CREB3L1: variants seen among roughly 807,000 people sequenced by gnomAD.
CREB3L1 encodes cyclic AMP-responsive element-binding protein 3-like protein 1.
Under a neutral mutation model 54.5 loss-of-function variants are expected in CREB3L1, and 33 were observed. The ratio of observed to expected loss-of-function variants is 0.61; its 90% CI spans 0.46 to 0.81. The LOEUF (loss-of-function observed/expected upper bound fraction) is 0.81, where lower values mean the gene tolerates loss of function less well. CREB3L1 is among the 30% of genes least tolerant of loss of function. The pLI, the probability that CREB3L1 is intolerant of heterozygous loss-of-function variation, is 0.00. For synonymous variants in CREB3L1, 284 were observed against 286.4 expected (o/e 0.99, Z 0.08); for missense variants, 656 against 673.3 (o/e 0.97, Z 0.29).
chr11:46,288,597 A>C (rs1939090304), intron 1 of CREB3L1, among the ~76,000 whole-genome samples: 1 of 152,132 alleles, frequency 6.6e-6, no homozygotes, highest in Non-Finnish European at 1.5e-5. Context: ...CCTTTGGGTA[A>C]AGCCAAAAAG....
chr11:46,317,272 C>A, intron 9 of CREB3L1, 89 bp from the exon 10 acceptor site: 1 of 1,538,402 alleles, frequency 6.5e-7, no homozygotes, highest in Non-Finnish European at 8.9e-7. Context: ...GACTTTTGTG[C>A]CTGTTGGTTT....
intron 8 of CREB3L1, among the ~76,000 whole-genome samples, chr11:46,313,677 C>CA (rs941838320): frequency 4.8e-4 from 70 of 145,722 alleles, no homozygotes; most frequent in East Asian, 3.4e-3. Flanking sequence ...GACTCTGTCT[C>CA]AAAAAAAAAA....
intron 8 of CREB3L1, among the ~76,000 whole-genome samples, chr11:46,314,309 C>T (rs560869120): frequency 2.0e-5 from 3 of 151,684 alleles, no homozygotes; most frequent in Non-Finnish European, 2.9e-5. Flanking sequence ...TAAGATCCTG[C>T]GAATAAAGGA....
rs1378914897 is a variant in CREB3L1 at position 46,312,373 on chromosome 11, C to T, written c.802C>T (p.Arg268Trp). The change falls in exon 6 of 12, where the codon CGG becomes TGG. Residue 268 changes from arginine to tryptophan, a missense_variant. By Grantham distance (101) the Arg-to-Trp change is moderately radical. Transcript: ENST00000621158. ...ACTGCTCCTGACAGAGGAGGAGAAGCGGACCCTGATTGCTGAGGGCTACCC... is the reference window on the plus strand; with the variant it reads ...ACTGCTCCTGACAGAGGAGGAGAAGTGGACCCTGATTGCTGAGGGCTACCC... ...GPLLLTEEEK[R>W]TLIAEGYPIP... is the part of the protein sequence containing the mutation. 7.4e-6 allele frequency: 12 copies of T among 1,612,836 alleles called. No homozygotes were observed. Among genetic ancestry groups the T allele is most frequent in the South Asian group, 1.1e-5 (1 of 90,924 alleles).
In CREB3L1 at chr11:46,278,756, G is replaced by A. The variant is rs1938920210; in HGVS notation, c.102+543G>A. On this transcript the variant is annotated intron_variant, in intron 1 of 11. Coordinates refer to ENST00000621158, the MANE Select transcript of CREB3L1 (RefSeq NM_052854.4). This position sits in a 1 kb window ranked among gnomAD's most constrained non-coding sequence, Gnocchi z 4.2. Reference sequence around the variant, plus strand: ...CCCCCACCCCAGGGAGGGACCTGAGGCTGGGGGCTGGGAAGAGGCGGTCAG... The same window carrying A: ...CCCCCACCCCAGGGAGGGACCTGAGACTGGGGGCTGGGAAGAGGCGGTCAG... 6.6e-6 allele frequency among the ~76,000 whole-genome samples: 1 copy of A among 152,194 alleles called. No homozygotes were observed. The highest frequency in any genetic ancestry group is 2.1e-4 in the South Asian group (1 of 4,832).
intron 2 of CREB3L1, 65 bp from the exon 3 acceptor site, chr11:46,307,739 TAGGGTAGCTCCC>T: frequency 7.7e-7 from 1 of 1,303,930 alleles, no homozygotes; most frequent in Non-Finnish European, 1.0e-6. Flanking sequence ...CAGTTCAGCC[TAGGGTAGCTCCC>T]AGGGGGCAGG....
chr11:46,317,804 C>T (rs1006600529), intron 10 of CREB3L1, among the ~76,000 whole-genome samples: 1 of 152,174 alleles, frequency 6.6e-6, no homozygotes, highest in African/African-American at 2.4e-5. Flanking sequence ...CATTATGGTG[C>T]CAGTGCTTAT....
At chr11:46,294,672 G>GC (rs1350892216) in intron 1 of CREB3L1, among the ~76,000 whole-genome samples, 1 of 151,914 alleles carries the variant, frequency 6.6e-6, no homozygotes, top group Non-Finnish European at 1.5e-5. Context: ...AGGACAGGGG[G>GC]GTCTGCTGAC....
chr11:46,312,409 A>G lies in CREB3L1; in HGVS notation c.838A>G (p.Lys280Glu). Reference sequence around the variant, plus strand: ...TGCTGAGGGCTACCCCATCCCCACAAAACTCCCCCTCACCAAAGCCGAGGA... The same window carrying G: ...TGCTGAGGGCTACCCCATCCCCACAGAACTCCCCCTCACCAAAGCCGAGGA... The part of the protein sequence containing the change: ...LIAEGYPIPT[K>E]LPLTKAEEKA... Residue 280 changes from lysine to glutamate, a missense_variant, in exon 6 of 12, where the codon AAA becomes GAA. By Grantham distance (56) the Lys-to-Glu change is moderately conservative (BLOSUM62 1). Around this residue, in one of 3 missense-constraint regions of CREB3L1, gnomAD observed 77 missense variants for 122.0 expected, o/e 0.63. Transcript: ENST00000621158. 6.2e-7 allele frequency: 1 copy of G among 1,613,790 alleles called. No homozygotes were observed. Among genetic ancestry groups the G allele is most frequent in the Non-Finnish European group, 8.5e-7 (1 of 1,179,822 alleles).
intron 1 of CREB3L1, among the ~76,000 whole-genome samples, chr11:46,289,273 A>C (rs1406511300): frequency 1.3e-5 from 2 of 152,062 alleles, no homozygotes; most frequent in African/African-American, 2.4e-5. Flanking sequence ...CAGCTACTTG[A>C]GAGGCTGAGG....
chr11:46,303,236 C>T (rs1409032093), intron 2 of CREB3L1, among the ~76,000 whole-genome samples: 1 of 152,204 alleles, frequency 6.6e-6, no homozygotes, highest in African/African-American at 2.4e-5. Context: ...CTCTAGGCCT[C>T]TGTTTCCTCA....
chr11:46,308,054 C>T, intron 3 of CREB3L1, 54 bp downstream of exon 3: 1 of 1,420,722 alleles, frequency 7.0e-7, no homozygotes. Context: ...GCTGGTGGGT[C>T]TGTGGGAAGA....
chr11:46,314,058 G>A (rs982283586), intron 8 of CREB3L1, among the ~76,000 whole-genome samples: 1 of 152,006 alleles, frequency 6.6e-6, no homozygotes, highest in Non-Finnish European at 1.5e-5. Flanking sequence ...CCAACATGGT[G>A]AAACCCCCAT....
intron 2 of CREB3L1, among the ~76,000 whole-genome samples, chr11:46,303,072 A>G (rs932492312): frequency 1.3e-5 from 2 of 152,188 alleles, no homozygotes; most frequent in African/African-American, 4.8e-5. Flanking sequence ...ACATAATAGC[A>G]CACCCTGATT....
chr11:46,284,615 T>C (rs899003458), intron 1 of CREB3L1, among the ~76,000 whole-genome samples: 5 of 150,270 alleles, frequency 3.3e-5, no homozygotes, highest in South Asian at 2.1e-4. Context: ...GATCGCACCA[T>C]TGCACTCCAG....
intron 2 of CREB3L1, among the ~76,000 whole-genome samples, chr11:46,304,123 C>T (rs1590345801): frequency 6.6e-6 from 1 of 152,336 alleles, no homozygotes; most frequent in South Asian, 2.1e-4. Context: ...AATTTTCTCA[C>T]TTGTTAAATG....
chr11:46,313,213 C>T (rs1939517194), intron 8 of CREB3L1, among the ~76,000 whole-genome samples: 2 of 152,192 alleles, frequency 1.3e-5, no homozygotes, highest in African/African-American at 2.4e-5. Context: ...TGCTTATTCT[C>T]GGGCCCCATG....
intron 10 of CREB3L1, among the ~76,000 whole-genome samples, chr11:46,318,678 G>T (rs544743263): frequency 6.6e-6 from 1 of 152,270 alleles, no homozygotes; most frequent in South Asian, 2.1e-4. Flanking sequence ...TCCTTCAGGT[G>T]GACCCACAGA....
rs775813006 is a variant in CREB3L1, at chr11:46,307,970, C to A, written c.486C>A (p.Ser162Arg). ...AMATTPLLGL[S>R]PLSRLPIPHQ... is the part of the protein sequence containing the mutation. ...CCACCACCCCGCTGCTGGGCCTCAG[C>A]CCCTTGTCCAGGCTGCCCATCCCCC... Residue 162 changes from serine to arginine, a missense_variant, in exon 3 of 12, where the codon AGC becomes AGA. Ser to Arg is a moderately radical substitution (Grantham distance 110). Transcript: ENST00000621158. 1.9e-6 allele frequency: 3 copies of A among 1,559,496 alleles called. No individual in the cohort carries two copies. The highest frequency in any genetic ancestry group is 4.8e-5 in the East Asian group (2 of 41,750).
Sources: allele counts gnomAD v4.1 joint callset (sites outside exome capture counted in the v4.1 genomes callset), GRCh38; gene constraint gnomAD v4.1.1; regional missense constraint gnomAD v4.1.1; non-coding constraint Gnocchi (gnomAD v3.1); transcripts MANE v1.5; gene names NCBI Gene and HGNC (gene_info 2026-07-23, HGNC 2026-07-21).